The following SBNO1 variants were observed in gnomAD, a reference collection of about 807,000 sequenced individuals.
The protein encoded by SBNO1 is protein strawberry notch homolog 1.
SBNO1 carries 23 observed loss-of-function variants against 173.6 expected under a neutral mutation model. The observed-to-expected ratio is 0.13, with a 90% CI of 0.10 to 0.19. SBNO1 has a LOEUF of 0.19. SBNO1 is among the 10% of genes least tolerant of loss of function. The probability of loss-of-function intolerance (pLI) is 1.00; values close to 1 mark genes in which losing one functional copy is unlikely to be tolerated. For missense variants in SBNO1, 1,238 were observed against 1,671.2 expected, an observed-to-expected ratio of 0.74 and a Z score of 4.52; for synonymous variants, 632 against 571.5, an observed-to-expected ratio of 1.11 and a Z score of -1.51.
rs1873020328 is a variant in SBNO1, at chr12:123,345,524, T to C, written c.284A>G (p.His95Arg). ...AATTGTAGATCCCAAGGGTGGAAGA[T>C]GATTTATTTGATTCAGCACAAATGT... ...TTTFVLNQIN[H>R]LPPLGSTIVM... Residue 95 changes from histidine (H) to arginine (R), a missense_variant, in exon 4 of 32, where the codon CAT becomes CGT. Transcript: ENST00000602398. 1 of 1,613,966 alleles carries C rather than the reference T, an allele frequency of 6.2e-7. No homozygotes were observed. Among genetic ancestry groups the C allele is most frequent in the Non-Finnish European group, 8.5e-7 (1 of 1,180,014 alleles).
chr12:123,335,937 G>A (rs1444830104), intron 6 of SBNO1, among the ~76,000 whole-genome samples: 1 of 152,090 alleles, frequency 6.6e-6, no homozygotes, highest in Admixed American at 6.6e-5. Context: ...ATTATTAGTG[G>A]TTTTTTATAG....
intron 24 of SBNO1, among the ~76,000 whole-genome samples, chr12:123,312,495 T>C (rs1172367110): frequency 6.6e-6 from 1 of 152,042 alleles, no homozygotes; most frequent in Admixed American, 6.6e-5. Context: ...GAGGATCACA[T>C]GCGGCCAGGA....
At chr12:123,300,136 G>C (rs566938289) in intron 30 of SBNO1, among the ~76,000 whole-genome samples, 31 of 152,300 alleles carry the variant, frequency 2.0e-4, no homozygotes, top group African/African-American at 7.5e-4. Context: ...CTTCTGGTTA[G>C]TACTAACTCA....
intron 1 of SBNO1, among the ~76,000 whole-genome samples, chr12:123,363,200 T>A (rs1293361506): frequency 6.6e-6 from 1 of 152,082 alleles, no homozygotes; most frequent in Non-Finnish European, 1.5e-5. Context: ...ATCGGAAAAA[T>A]TTTGGAAACA....
chr12:123,322,115 T>G (rs1403986736), intron 16 of SBNO1, among the ~76,000 whole-genome samples: 2 of 152,078 alleles, frequency 1.3e-5, no homozygotes, highest in South Asian at 2.1e-4. Flanking sequence ...ACTTAGAAAA[T>G]CAATAGAAAA....
At chr12:123,342,250 CA>C (rs1191074630) in intron 4 of SBNO1, among the ~76,000 whole-genome samples, 3 of 150,332 alleles carry the variant, frequency 2.0e-5, no homozygotes, top group Non-Finnish European at 3.0e-5. Flanking sequence ...AACTCTGTCT[CA>C]AAAAAATTAA....
At position 123,330,357 on chromosome 12, in the gene SBNO1, T is replaced by C. The variant is rs1452232366; in HGVS notation, c.1134+62A>G. 5 of 975,912 alleles carry C rather than the reference T, an allele frequency of 5.1e-6. No individual in the cohort carries two copies. The Admixed American group carries it at 1.0e-4, about 20-fold the overall frequency. 60.5% of individuals were successfully genotyped at this position (975,912 alleles called of 1,614,324 possible). ...CCCCTTATATACATAGCTATTATTA[T>C]TGTCATCTCACAGATGAGTCAATAT... On this transcript the variant is annotated intron_variant, in intron 9 of 31. Coordinates refer to ENST00000602398, the MANE Select transcript of SBNO1 (RefSeq NM_001167856.3).
At chr12:123,319,853 A>G in intron 20 of SBNO1, 47 bp downstream of exon 20, 1 of 1,552,900 alleles carries the variant, frequency 6.4e-7, no homozygotes, top group Non-Finnish European at 8.9e-7. Flanking sequence ...TAATCTAAAT[A>G]TACAGGCATT....
In SBNO1 at chr12:123,299,409, C is replaced by T. The variant is rs148679059; in HGVS notation, c.3846-1238G>A. On this transcript the variant is annotated intron_variant, in intron 30 of 31. Transcript: ENST00000602398. The stretch of plus-strand genomic sequence containing the variant: ...AACAAAACAAAAAACTGGCTGGGCA[C>T]GATGGCTCACGCCTGTAATCTCAGC... Among the ~76,000 whole-genome samples the T allele has an allele frequency of 5.0e-3, 757 of 151,498 alleles. 6 individuals carry two copies. Among genetic ancestry groups the T allele is most frequent in the South Asian group, 0.039 (189 of 4,794 alleles).
intron 4 of SBNO1, among the ~76,000 whole-genome samples, chr12:123,342,150 C>T (rs894096376): frequency 1.3e-5 from 2 of 152,056 alleles, no homozygotes; most frequent in African/African-American, 2.4e-5. Flanking sequence ...ACTTGGGAGG[C>T]TGAGGCAGAG....
chr12:123,316,344 C>A (rs960255894), intron 21 of SBNO1, among the ~76,000 whole-genome samples: 1 of 152,128 alleles, frequency 6.6e-6, no homozygotes, highest in African/African-American at 2.4e-5. Flanking sequence ...CCTACCTCTG[C>A]CTCCTGAGTA....
intron 1 of SBNO1, chr12:123,364,303 CG>C: frequency 1.0e-6 from 1 of 985,570 alleles, no homozygotes; most frequent in East Asian, 1.1e-4. Context: ...ACTTTCCCCG[CG>C]GGTCCCGGAC....
At chr12:123,331,780 A>C (rs909958023) in intron 7 of SBNO1, among the ~76,000 whole-genome samples, 1 of 152,164 alleles carries the variant, frequency 6.6e-6, no homozygotes, top group African/African-American at 2.4e-5. Flanking sequence ...TCAGCCTCCC[A>C]AAGTGCTGGG....
In SBNO1 at chr12:123,311,084, T is replaced by C. The variant is rs768213554; in HGVS notation, c.3266A>G (p.Asp1089Gly). The change falls in exon 25 of 32, where the codon GAT becomes GGT. Residue 1089 changes from aspartate (D) to glycine (G), a missense_variant. Transcript: ENST00000602398. The stretch of plus-strand genomic sequence containing the variant: ...ATCGAGAGTAAGAATTCCCGAGCGA[T>C]CTTCTACATTTATCAGGCCAACGCC... Reference protein sequence around the residue: ...LIGVGLINVEDRSGILTLDKD... With the variant: ...LIGVGLINVEGRSGILTLDKD... The C allele has an allele frequency of 1.2e-5, 19 of 1,613,660 alleles. No homozygotes were observed. The East Asian group carries it at 4.2e-4, about 36-fold the overall frequency.
Position 123,327,469 on chromosome 12 carries a change from A to G in SBNO1, c.1649T>C (p.Leu550Pro), listed in dbSNP as rs773906175. Reference protein sequence around the residue: ...GVTFKIEEVLLSQSYVKMYNK... With the variant: ...GVTFKIEEVLPSQSYVKMYNK... The stretch of plus-strand genomic sequence containing the variant: ...ATACATTTTAACGTAGCTCTGAGAA[A>G]GAAGAACTTCCTCAATTTTGAAGGT... Residue 550 changes from leucine (L) to proline (P), a missense_variant, in exon 13 of 32, where the codon CTT becomes CCT. Leu to Pro is a moderately conservative substitution (Grantham distance 98). Around this residue, in one of 14 missense-constraint regions of SBNO1, gnomAD observed 182 missense variants for 339.9 expected, o/e 0.54. Coordinates refer to ENST00000602398, the MANE Select transcript of SBNO1 (RefSeq NM_001167856.3). 1.2e-5 allele frequency: 20 copies of G among 1,614,128 alleles called. No individual in the cohort carries two copies. The highest frequency in any genetic ancestry group is 1.7e-5 in the Non-Finnish European group (20 of 1,179,990).
chr12:123,319,421 A>T (rs1869699275), intron 20 of SBNO1, among the ~76,000 whole-genome samples: 1 of 152,122 alleles, frequency 6.6e-6, no homozygotes, highest in South Asian at 2.1e-4. Flanking sequence ...GGCAATTACT[A>T]AAAAAATTTG....
chr12:123,328,988 T>A (rs1320089986), intron 9 of SBNO1, 93 bp from the exon 10 acceptor site: 1 of 716,688 alleles, frequency 1.4e-6, no homozygotes, highest in African/African-American at 1.8e-5. Flanking sequence ...GGAACTCTTG[T>A]TAGGCCCATG....
At position 123,326,281 on chromosome 12, in the gene SBNO1, C is replaced by T; in HGVS notation, c.1746G>A (p.Glu582=). The part of the protein sequence containing the change: ...FQQAADLIDA[E]QRMKKSMWGQ... Reference sequence around the variant, plus strand: ...CCCACATGGACTTCTTCATTCGTTGCTCAGCATCAATCAGATCTGCAGCTT... The same window carrying T: ...CCCACATGGACTTCTTCATTCGTTGTTCAGCATCAATCAGATCTGCAGCTT... Residue 582 remains glutamate, a synonymous_variant, in exon 14 of 32, where the codon GAG becomes GAA. Transcript: ENST00000602398. The T allele has an allele frequency of 6.2e-7, 1 of 1,613,150 alleles. No individual in the cohort carries two copies. The highest frequency in any genetic ancestry group is 8.5e-7 in the Non-Finnish European group (1 of 1,179,382).
At chr12:123,357,717 T>C (rs566359624) in intron 1 of SBNO1, among the ~76,000 whole-genome samples, 1 of 152,148 alleles carries the variant, frequency 6.6e-6, no homozygotes, top group Non-Finnish European at 1.5e-5. Flanking sequence ...GTCGTGCCAC[T>C]GCACTCCAAC....
Sources: gnomAD v4.1 joint callset for allele counts (sites outside exome capture counted in the v4.1 genomes callset) on GRCh38, gnomAD v4.1.1 for gene constraint, gnomAD v4.1.1 regional missense constraint, MANE v1.5 for transcripts, NCBI Gene and HGNC (gene_info 2026-07-23, HGNC 2026-07-21) for gene names.